The following SLC16A7 variants were observed in gnomAD, a reference collection of about 807,000 sequenced individuals.
The protein encoded by SLC16A7 is monocarboxylate transporter 2.
Under a neutral mutation model 34.9 loss-of-function variants are expected in SLC16A7, and 33 were observed. The observed-to-expected ratio is 0.94, with a 90% CI of 0.72 to 1.26. The LOEUF (loss-of-function observed/expected upper bound fraction) is 1.26. SLC16A7 is among the 50% of genes most tolerant of loss of function. The pLI, the probability that SLC16A7 is intolerant of heterozygous loss-of-function variation, is 0.00. For missense variants in SLC16A7, 573 were observed against 578.1 expected (o/e 0.99, Z 0.09); for synonymous variants, 201 against 206.6 (o/e 0.97, Z 0.23).
Position 59,722,268 on chromosome 12 carries a change from A to G in SLC16A7, c.217+17250A>G, listed in dbSNP as rs56765323. 3.2e-3 allele frequency among the ~76,000 whole-genome samples: 486 copies of G among 152,018 alleles called. 15 individuals carry two copies. The highest frequency in any genetic ancestry group is 0.028 in the Admixed American group (425 of 15,238). On this transcript the variant is annotated intron_variant, in intron 3 of 5. Coordinates refer to ENST00000547379, the MANE Select transcript of SLC16A7 (RefSeq NM_001270623.2). ...TCAGCTGCATAACTTTCTATTAGCAAATTTATTGGTTCTGCCTTCTAAATA... is the reference window on the plus strand; with the variant it reads ...TCAGCTGCATAACTTTCTATTAGCAGATTTATTGGTTCTGCCTTCTAAATA...
intron 1 of SLC16A7, among the ~76,000 whole-genome samples, chr12:59,608,926 A>T (rs534022944): frequency 6.6e-6 from 1 of 152,224 alleles, no homozygotes; most frequent in Non-Finnish European, 1.5e-5. Flanking sequence ...ATGACTGTTC[A>T]TTGGGATACT....
chr12:59,695,160 T>C (rs1201822502), intron 2 of SLC16A7, among the ~76,000 whole-genome samples: 2 of 151,996 alleles, frequency 1.3e-5, no homozygotes, highest in African/African-American at 4.8e-5. Flanking sequence ...ATTAAGCACA[T>C]AGACTGAAAG....
intron 3 of SLC16A7, among the ~76,000 whole-genome samples, chr12:59,736,195 A>T (rs1435650181): frequency 6.6e-6 from 1 of 152,218 alleles, no homozygotes; most frequent in African/African-American, 2.4e-5. Context: ...TTAAAGAAAG[A>T]GCAAAATATT....
intron 3 of SLC16A7, chr12:59,733,570 G>A: frequency 2.6e-6 from 1 of 378,428 alleles, no homozygotes; most frequent in Admixed American, 3.1e-5. Context: ...AGCCCCAAAG[G>A]GTGTCACAGC....
chr12:59,611,993 A>T (rs921762351), intron 1 of SLC16A7, among the ~76,000 whole-genome samples: 1 of 152,214 alleles, frequency 6.6e-6, no homozygotes, highest in African/African-American at 2.4e-5. Flanking sequence ...TTCCAGGCAC[A>T]TGGTGCAAGC....
intron 2 of SLC16A7, among the ~76,000 whole-genome samples, chr12:59,691,509 G>A (rs541104687): frequency 6.6e-6 from 1 of 152,130 alleles, no homozygotes; most frequent in African/African-American, 2.4e-5. Context: ...TCCACCATGG[G>A]TGGGGAAGAG....
In SLC16A7 at chr12:59,768,586, C is replaced by T. The variant is rs549554730; in HGVS notation, c.218-2633C>T. Among the ~76,000 whole-genome samples, 143 of 152,222 alleles carry T rather than the reference C, an allele frequency of 9.4e-4. No individual in the cohort carries two copies. In the Middle Eastern group the frequency reaches 0.014, roughly 14 times the overall value. Reference sequence around the variant, plus strand: ...TGGAAAGGTTTGAGAGAATTGACTCCAGTTTAGAAAGAAGTTCTACTGTGG... The same window carrying T: ...TGGAAAGGTTTGAGAGAATTGACTCTAGTTTAGAAAGAAGTTCTACTGTGG... On this transcript the variant is annotated intron_variant, in intron 3 of 5. Transcript: ENST00000547379.
intron 1 of SLC16A7, among the ~76,000 whole-genome samples, chr12:59,614,026 C>T (rs2136971079): frequency 6.6e-6 from 1 of 151,426 alleles, no homozygotes; most frequent in Non-Finnish European, 1.5e-5. Flanking sequence ...GCAGCATGTG[C>T]TCCCAGATAG....
Position 59,784,651 on chromosome 12 carries a change from A to G in SLC16A7, c.*4972A>G, listed in dbSNP as rs1326921884. On this transcript the variant is annotated 3_prime_UTR_variant, in exon 6 of 6. Transcript: ENST00000547379. ...AAGTGTCATTGCTTTTGTCTTCTCC[A>G]TCTAGACTTTTGCAGTCCTTAGACT... 3 of 152,162 alleles carry G rather than the reference A, an allele frequency of 2.0e-5. No homozygotes were observed. The highest frequency in any genetic ancestry group is 7.2e-5 in the African/African-American group (3 of 41,454). 9.4% of individuals were successfully genotyped at this position (152,162 alleles called of 1,614,324 possible). A position where few individuals can be genotyped will look rare whatever the true frequency, so the allele number is the denominator to read the frequency against.
Position 59,788,155 on chromosome 12 carries a change from A to G in SLC16A7, c.*8476A>G, listed in dbSNP as rs1045620518. On this transcript the variant is annotated 3_prime_UTR_variant, in exon 6 of 6. Transcript: ENST00000547379. The stretch of plus-strand genomic sequence containing the variant: ...ACAAATATGTTTTTCTAATCCCAGC[A>G]TTAAATTGAAACAAATATTTAAAAT... 6.6e-6 allele frequency: 1 copy of G among 152,130 alleles called. No homozygotes were observed. Among genetic ancestry groups the G allele is most frequent in the Non-Finnish European group, 1.5e-5 (1 of 68,016 alleles). The allele number at this position is 152,130 out of a possible 1,614,324, so 9.4% of individuals were successfully genotyped here.
In SLC16A7 at chr12:59,771,369, C is replaced by T. The variant is rs1882211934; in HGVS notation, c.361+7C>T. The T allele has an allele frequency of 6.3e-7, 1 of 1,576,156 alleles. No homozygotes were observed. The highest frequency in any genetic ancestry group is 1.4e-5 in the African/African-American group (1 of 72,878). ...ACTATGGGATTCATTACAGGTAAGCCATTTAGTCTTCAGCTTATTCTTAAC... is the reference window on the plus strand; with the variant it reads ...ACTATGGGATTCATTACAGGTAAGCTATTTAGTCTTCAGCTTATTCTTAAC... On this transcript the variant is annotated splice_region_variant and intron_variant, in intron 4 of 5. Coordinates refer to ENST00000547379, the MANE Select transcript of SLC16A7 (RefSeq NM_001270623.2).
chr12:59,606,920 G>T (rs144517471), intron 1 of SLC16A7, among the ~76,000 whole-genome samples: 12 of 152,172 alleles, frequency 7.9e-5, no homozygotes, highest in African/African-American at 2.9e-4. Context: ...ACCCAGAGTA[G>T]GATTAGTGTC....
Position 59,774,909 on chromosome 12 carries a change from C to T in SLC16A7, c.614C>T (p.Ser205Phe), listed in dbSNP as rs1162441635. 1.2e-6 allele frequency: 2 copies of T among 1,613,812 alleles called. No individual in the cohort carries two copies. Among genetic ancestry groups the T allele is most frequent in the Non-Finnish European group, 1.7e-6 (2 of 1,179,954 alleles). Residue 205 changes from serine to phenylalanine, a missense_variant, in exon 5 of 6, where the codon TCT (serine) becomes TTT (phenylalanine). Ser to Phe is a radical substitution (Grantham distance 155). Transcript: ENST00000547379. The part of the protein sequence containing the change: ...MRPLGPNQTT[S>F]KSKNKTGKTE... ...CCCCTTGGACCCAATCAAACCACTT[C>T]TAAGTCTAAAAATAAGACTGGCAAA... is the stretch of plus-strand genomic sequence containing the variant.
At chr12:59,605,788 C>A (rs1489778081) in intron 1 of SLC16A7, among the ~76,000 whole-genome samples, 1 of 152,144 alleles carries the variant, frequency 6.6e-6, no homozygotes, top group Non-Finnish European at 1.5e-5. Context: ...TCTTTATTCT[C>A]TTTTCCTTTT....
chr12:59,668,763 G>A (rs1179347889), intron 2 of SLC16A7, among the ~76,000 whole-genome samples: 1 of 152,154 alleles, frequency 6.6e-6, no homozygotes, highest in African/African-American at 2.4e-5. Flanking sequence ...AAATGATATA[G>A]TTAGCCTTTG....
At chr12:59,643,692 T>C (rs1029912818) in intron 1 of SLC16A7, among the ~76,000 whole-genome samples, 1 of 152,176 alleles carries the variant, frequency 6.6e-6, no homozygotes, top group African/African-American at 2.4e-5. Context: ...AAGAAGATGC[T>C]TAAAATAGCT....
chr12:59,727,166 AT>A (rs1876371227), intron 3 of SLC16A7, among the ~76,000 whole-genome samples: 1 of 142,788 alleles, frequency 7.0e-6, no homozygotes. Flanking sequence ...ATATATATAT[AT>A]ATAATATATA....
chr12:59,706,438 T>G (rs1021412073), intron 3 of SLC16A7, among the ~76,000 whole-genome samples: 1 of 152,092 alleles, frequency 6.6e-6, no homozygotes, highest in African/African-American at 2.4e-5. Context: ...ATAGTGACTT[T>G]ATATTAATAC....
chr12:59,604,778 A>G (rs896388974), intron 1 of SLC16A7, among the ~76,000 whole-genome samples: 3 of 152,210 alleles, frequency 2.0e-5, no homozygotes, highest in Admixed American at 6.5e-5. Context: ...TACCTTTTCA[A>G]TAGTATTAAT....
Sources: gnomAD v4.1 joint callset for allele counts (sites outside exome capture counted in the v4.1 genomes callset) on GRCh38, gnomAD v4.1.1 for gene constraint, MANE v1.5 for transcripts, NCBI Gene and HGNC (gene_info 2026-07-23, HGNC 2026-07-21) for gene names.